The following SEZ6L2 variants were observed in gnomAD, a reference collection of about 807,000 sequenced individuals.
SEZ6L2 encodes the protein seizure 6-like protein 2.
In SEZ6L2, 44 loss-of-function variants were observed where a neutral mutation model predicts 97.0. The observed-to-expected ratio is 0.45, with a 90% confidence interval of 0.36 to 0.58. The LOEUF (loss-of-function observed/expected upper bound fraction) is 0.58, where lower values mean the gene tolerates loss of function less well. Ranked by LOEUF, SEZ6L2 falls within the 20% of genes least tolerant of loss-of-function variation. SEZ6L2 has a pLI of 0.00. For synonymous variants in SEZ6L2, 543 were observed against 546.1 expected, an observed-to-expected ratio of 0.99 and a Z score of 0.08; for missense variants, 1,086 against 1,233.3, an observed-to-expected ratio of 0.88 and a Z score of 1.79.
chr16:29,878,399 G>C lies in SEZ6L2; in HGVS notation c.1600C>G (p.Pro534Ala), dbSNP rs760933259. Residue 534 changes from proline (P) to alanine (A), a missense_variant, in exon 10 of 18, where the codon CCA becomes GCA. By Grantham distance (27) the Pro-to-Ala change is conservative (BLOSUM62 -1). This residue lies in a region of SEZ6L2 where 776 missense variants were observed against 794.7 expected (regional missense o/e 0.98). Transcript: ENST00000617533. ...KAMCGGELSE[P>A]AGVVLSPDWP... The stretch of plus-strand genomic sequence containing the variant: ...TCGGGAGAGAGGACCACGCCAGCTG[G>C]TTCCGACAGCTCCCCTCCACACATG... 6.2e-7 allele frequency: 1 copy of C among 1,605,458 alleles called. No homozygotes were observed.
intron 5 of SEZ6L2, among the ~76,000 whole-genome samples, chr16:29,893,239 G>A (rs1005421665): frequency 2.0e-5 from 3 of 152,016 alleles, no homozygotes; most frequent in Non-Finnish European, 2.9e-5. Flanking sequence ...CAGGAGAATC[G>A]CTTGAACCCG....
At chr16:29,889,496 T>TATTA (rs1184318352) in intron 5 of SEZ6L2, among the ~76,000 whole-genome samples, 2 of 151,978 alleles carry the variant, frequency 1.3e-5, no homozygotes, top group African/African-American at 4.8e-5. Flanking sequence ...GGCTCCAAGT[T>TATTA]ATTAAATGTC....
rs779029233 is a variant in SEZ6L2 at position 29,885,560 on chromosome 16, G to A, written c.1372+26C>T. The stretch of plus-strand genomic sequence containing the variant: ...AAGAGGGGAAGGTGTGGCGGTTGGG[G>A]TCCTGTGGGGGAGTGGGTCACTTAC... On this transcript the variant is annotated intron_variant, in intron 8 of 17. Transcript: ENST00000617533. The A allele has an allele frequency of 3.7e-6, 6 of 1,604,406 alleles. No homozygotes were observed. In the South Asian group the frequency reaches 6.6e-5, roughly 18 times the overall value.
At chr16:29,889,267 C>G (rs2150805727) in intron 5 of SEZ6L2, among the ~76,000 whole-genome samples, 1 of 152,118 alleles carries the variant, frequency 6.6e-6, no homozygotes, top group East Asian at 1.9e-4. Flanking sequence ...ATGGTAAAAC[C>G]CCGTCTCTAA....
At position 29,888,650 on chromosome 16, in the gene SEZ6L2, C is replaced by A. The variant is rs752413264; in HGVS notation, c.929G>T (p.Gly310Val). Residue 310 changes from glycine to valine, a missense_variant, in exon 6 of 18, where the codon GGC (glycine) becomes GTC (valine). By Grantham distance (109) the Gly-to-Val change is moderately radical. Around this residue, in one of 2 missense-constraint regions of SEZ6L2, gnomAD observed 776 missense variants for 794.7 expected, o/e 0.98. Coordinates refer to ENST00000617533, the MANE Select transcript of SEZ6L2 (RefSeq NM_001243332.2). Reference sequence around the variant, plus strand: ...CGAATCACAGTGAAAGGTGGCAGTGCCCCCAGGGTGCAGGTCCGTCACACT... The same window carrying A: ...CGAATCACAGTGAAAGGTGGCAGTGACCCCAGGGTGCAGGTCCGTCACACT... ...DVSVTDLHPG[G>V]TATFHCDSGY... 2 of 1,613,934 alleles carry A rather than the reference C, an allele frequency of 1.2e-6. No homozygotes were observed. Among genetic ancestry groups the A allele is most frequent in the South Asian group, 1.1e-5 (1 of 91,078 alleles).
At chr16:29,877,524 GC>G in intron 10 of SEZ6L2, 57 bp from the exon 11 acceptor site, 1 of 1,466,420 alleles carries the variant, frequency 6.8e-7, no homozygotes, top group Non-Finnish European at 9.2e-7. Context: ...CTCCCATCCA[GC>G]TCTGCCCCAT....
Position 29,879,933 on chromosome 16 carries a change from G to T in SEZ6L2, c.1504C>A (p.Pro502Thr), listed in dbSNP as rs917545852. 6.2e-7 allele frequency: 1 copy of T among 1,614,090 alleles called. No individual in the cohort carries two copies. The highest frequency in any genetic ancestry group is 1.3e-5 in the African/African-American group (1 of 75,042). Residue 502 changes from proline (P) to threonine (T), a missense_variant, in exon 9 of 18, where the codon CCC (proline) becomes ACC (threonine). Transcript: ENST00000617533. ...TCCACACATTCGATGGCATTGGGGG[G>T]CCCAGGGGGCTCCAGGGCATATCCT... Reference protein sequence around the residue: ...LPGYALEPPGPPNAIECVDPT... With the variant: ...LPGYALEPPGTPNAIECVDPT...
At chr16:29,886,073 A>G (rs1404123791) in intron 7 of SEZ6L2, 1 of 198,510 alleles carries the variant, frequency 5.0e-6, no homozygotes, top group African/African-American at 2.3e-5. Flanking sequence ...TGAAGATAGC[A>G]GATGCTTGAC....
At chr16:29,884,618 T>C (rs2068094692) in intron 8 of SEZ6L2, among the ~76,000 whole-genome samples, 1 of 150,490 alleles carries the variant, frequency 6.6e-6, no homozygotes, top group Non-Finnish European at 1.5e-5. Context: ...TAAAAATAAA[T>C]AAAAACTAAA....
chr16:29,889,969 C>G (rs749604337), intron 5 of SEZ6L2, among the ~76,000 whole-genome samples: 1 of 151,790 alleles, frequency 6.6e-6, no homozygotes, highest in Non-Finnish European at 1.5e-5. Context: ...AGTGCATTGG[C>G]GCAATCTCGG....
chr16:29,873,419 G>C lies in SEZ6L2; in HGVS notation c.2309C>G (p.Pro770Arg), dbSNP rs764328367. 5.0e-6 allele frequency: 8 copies of C among 1,614,238 alleles called. No homozygotes were observed. In the East Asian group the frequency reaches 1.8e-4, roughly 36 times the overall value. Residue 770 changes from proline (P) to arginine (R), a missense_variant, in exon 14 of 18, where the codon CCG becomes CGG. Coordinates refer to ENST00000617533, the MANE Select transcript of SEZ6L2 (RefSeq NM_001243332.2). The surrounding 1 kb of genome is among the most constrained non-coding windows in gnomAD (Gnocchi z 4.3). ...CTCGGGAACCCCCGGGTTCAGGCAC[G>C]GCTCGTACTTCACTGCGGGGAGCAT... ...RVPKCALKYE[P>R]CLNPGVPENG... is the part of the protein sequence containing the mutation.
chr16:29,876,955 A>G lies in SEZ6L2; in HGVS notation c.1910-5T>C. On this transcript the variant is annotated splice_polypyrimidine_tract_variant and splice_region_variant and intron_variant, in intron 11 of 17. Transcript: ENST00000617533. The surrounding 1 kb of genome is among the most constrained non-coding windows in gnomAD (Gnocchi z 6.5). ...ACGTGTCGTTCCTCGGGACCTCTGC[A>G]GGGGAGGGAAGGCGAGTTTGGAGGC... 1 of 1,590,054 alleles carries G rather than the reference A, an allele frequency of 6.3e-7. No homozygotes were observed.
Position 29,899,101 on chromosome 16 carries a change from C to T in SEZ6L2, c.-82G>A, listed in dbSNP as rs2068473972. 1 of 899,184 alleles carries T rather than the reference C, an allele frequency of 1.1e-6. No homozygotes were observed. Among genetic ancestry groups the T allele is most frequent in the Admixed American group, 2.8e-5 (1 of 35,728 alleles). The allele number at this position is 899,184 out of a possible 1,614,324, so 55.7% of individuals were successfully genotyped here. Reference sequence around the variant, plus strand: ...TTTCCTCCGTCTCCGTTTATCTTTCCCTTTAATTGTTTTTTTTTTTTTTTT... The same window carrying T: ...TTTCCTCCGTCTCCGTTTATCTTTCTCTTTAATTGTTTTTTTTTTTTTTTT... On this transcript the variant is annotated 5_prime_UTR_variant, in exon 1 of 18. Transcript: ENST00000617533.
At position 29,872,506 on chromosome 16, in the gene SEZ6L2, A is replaced by G; in HGVS notation, c.2548T>C (p.Ser850Pro). 1 of 1,614,158 alleles carries G rather than the reference A, an allele frequency of 6.2e-7. No individual in the cohort carries two copies. The highest frequency in any genetic ancestry group is 1.1e-5 in the South Asian group (1 of 91,090). Reference sequence around the variant, plus strand: ...AGGTTCCCCCCTTCCAGCTGCCGTGATGGATCTGTGGTCTGGGTCACTACA... The same window carrying G: ...AGGTTCCCCCCTTCCAGCTGCCGTGGTGGATCTGTGGTCTGGGTCACTACA... The part of the protein sequence containing the change: ...KLEVTQTTDP[S>P]RQLEGGNLAL... The change falls in exon 16 of 18, where the codon TCA becomes CCA. Residue 850 changes from serine (S) to proline (P), a missense_variant. By Grantham distance (74) the Ser-to-Pro change is moderately conservative. Coordinates refer to ENST00000617533, the MANE Select transcript of SEZ6L2 (RefSeq NM_001243332.2).
intron 5 of SEZ6L2, among the ~76,000 whole-genome samples, chr16:29,889,202 G>A (rs2068215590): frequency 6.6e-6 from 1 of 152,082 alleles, no homozygotes; most frequent in Admixed American, 6.6e-5. Context: ...CAGCACTTTT[G>A]GAGGCCGAGG....
intron 7 of SEZ6L2, among the ~76,000 whole-genome samples, 181 bp downstream of exon 7, chr16:29,887,467 AT>A (rs397855963): frequency 0.084 from 10,987 of 130,450 alleles, 1,134 homozygotes; most frequent in East Asian, 0.31. Flanking sequence ...TGCCCGGCTA[AT>A]TTTTTTTTTT....
chr16:29,879,933 G>A lies in SEZ6L2; in HGVS notation c.1504C>T (p.Pro502Ser), dbSNP rs917545852. The change falls in exon 9 of 18, where the codon CCC becomes TCC. Residue 502 changes from proline (P) to serine (S), a missense_variant. Coordinates refer to ENST00000617533, the MANE Select transcript of SEZ6L2 (RefSeq NM_001243332.2). ...TCCACACATTCGATGGCATTGGGGG[G>A]CCCAGGGGGCTCCAGGGCATATCCT... ...LPGYALEPPG[P>S]PNAIECVDPT... The A allele has an allele frequency of 3.1e-6, 5 of 1,614,090 alleles. No homozygotes were observed. Among genetic ancestry groups the A allele is most frequent in the East Asian group, 2.2e-5 (1 of 44,876 alleles).
intron 8 of SEZ6L2, among the ~76,000 whole-genome samples, chr16:29,882,039 C>T (rs1182687060): frequency 6.6e-6 from 1 of 150,710 alleles, no homozygotes; most frequent in Non-Finnish European, 1.5e-5. Flanking sequence ...GGCATGATCT[C>T]ACTTCACTGC....
At chr16:29,886,439 G>A (rs1475570417) in intron 7 of SEZ6L2, among the ~76,000 whole-genome samples, 1 of 151,934 alleles carries the variant, frequency 6.6e-6, no homozygotes, top group East Asian at 1.9e-4. Flanking sequence ...ACTTTGGGAG[G>A]CTGAGGTGGG....
Sources: allele counts gnomAD v4.1 joint callset (sites outside exome capture counted in the v4.1 genomes callset), GRCh38; gene constraint gnomAD v4.1.1; regional missense constraint gnomAD v4.1.1; non-coding constraint Gnocchi (gnomAD v3.1); transcripts MANE v1.5; gene names NCBI Gene and HGNC (gene_info 2026-07-23, HGNC 2026-07-21).